UNC93B1: variants seen among roughly 807,000 people sequenced by gnomAD.
UNC93B1 encodes the protein protein unc-93 homolog B1.
UNC93B1 carries 33 observed loss-of-function variants against 56.8 expected under a neutral mutation model. The ratio of observed to expected loss-of-function variants is 0.58; its 90% CI spans 0.44 to 0.78. The LOEUF is 0.78. Among genes scored for constraint, UNC93B1 ranks in the 30% least tolerant of loss-of-function variants. The pLI, the probability that UNC93B1 is intolerant of heterozygous loss-of-function variation, is 0.00. For synonymous variants in UNC93B1, 334 were observed against 358.6 expected, an observed-to-expected ratio of 0.93 and a Z score of 0.77; for missense variants, 673 against 819.5, an observed-to-expected ratio of 0.82 and a Z score of 2.18.
chr11:67,997,512 G>A, intron 7 of UNC93B1, 163 bp downstream of exon 7: 1 of 1,257,130 alleles, frequency 8.0e-7, no homozygotes, highest in Middle Eastern at 2.8e-4. Flanking sequence ...GCAGCACTCG[G>A]CCCTAGCTCC....
Position 67,995,576 on chromosome 11 carries a change from G to GCC in UNC93B1, c.1363+33_1363+34dup, listed in dbSNP as rs747181946. ...AGATAGCCATAAAGCCCCCTGCCCCGCCCCCCCCCCCCCAGTGCCCACAGC... is the reference window on the plus strand; with the variant it reads ...AGATAGCCATAAAGCCCCCTGCCCCGCCCCCCCCCCCCCCCAGTGCCCACAGC... On this transcript the variant is annotated intron_variant, in intron 9 of 10. Transcript: ENST00000227471. 89 of 104,842 alleles carry GCC rather than the reference G, an allele frequency of 8.5e-4. 4 individuals are homozygous for GCC. In the East Asian group the frequency reaches 9.7e-3, roughly 11 times the overall value. The allele number at this position is 104,842 out of a possible 1,614,324, so 6.5% of individuals were successfully genotyped here. A position where few individuals can be genotyped will look rare whatever the true frequency, so the allele number is the denominator to read the frequency against.
chr11:67,997,821 G>A, intron 6 of UNC93B1, 22 bp from the exon 7 acceptor site: 2 of 1,599,704 alleles, frequency 1.3e-6, no homozygotes, highest in Non-Finnish European at 1.7e-6. Context: ...GGGGGTGAGG[G>A]CACCGTGAGC....
In UNC93B1 at chr11:68,003,588, C is replaced by A; in HGVS notation, c.238+69G>T. Reference sequence around the variant, plus strand: ...TGAGAGCGGGCGGGAGGCGGCGGCCCGCGGTTTCTGTTTCCCGGGCCGGGC... The same window carrying A: ...TGAGAGCGGGCGGGAGGCGGCGGCCAGCGGTTTCTGTTTCCCGGGCCGGGC... On this transcript the variant is annotated intron_variant, in intron 2 of 10. Transcript: ENST00000227471. This position sits in a 1 kb window ranked among gnomAD's most constrained non-coding sequence, Gnocchi z 4.4. The A allele has an allele frequency of 4.1e-6, 6 of 1,474,998 alleles. No homozygotes were observed. The highest frequency in any genetic ancestry group is 5.4e-6 in the Non-Finnish European group (6 of 1,116,188). 91.4% of individuals were successfully genotyped at this position (1,474,998 alleles called of 1,614,324 possible). A position where few individuals can be genotyped will look rare whatever the true frequency, so the allele number is the denominator to read the frequency against.
chr11:67,991,770 G>C lies in UNC93B1; in HGVS notation c.1570C>G (p.Pro524Ala). The C allele has an allele frequency of 6.5e-7, 1 of 1,540,506 alleles. No individual in the cohort carries two copies. The highest frequency in any genetic ancestry group is 8.7e-7 in the Non-Finnish European group (1 of 1,150,842). ...GGCCGCGGGATGCGGGGCTGGCGCG[G>C]GGCCACGCCCCGGCGCAGCTTCTGC... The part of the protein sequence containing the change: ...MEQKLRRGVA[P>A]RQPRIPRPQH... Residue 524 changes from proline (P) to alanine (A), a missense_variant, in exon 11 of 11, where the codon CCG (proline) becomes GCG (alanine). Pro to Ala is a conservative substitution (Grantham distance 27, BLOSUM62 -1). Transcript: ENST00000227471.
intron 7 of UNC93B1, 115 bp downstream of exon 7, chr11:67,997,560 C>T: frequency 6.5e-7 from 1 of 1,537,114 alleles, no homozygotes; most frequent in Middle Eastern, 2.4e-4. Flanking sequence ...CGGCCTGCCC[C>T]GAGGCCACAA....
At position 67,995,330 on chromosome 11, in the gene UNC93B1, T is replaced by C. The variant is rs183669782; in HGVS notation, c.1363+281A>G. On this transcript the variant is annotated intron_variant, in intron 9 of 10. Coordinates refer to ENST00000227471, the MANE Select transcript of UNC93B1 (RefSeq NM_030930.4). ...AGTGTTGATGGGGCCCTGTGCCCGCTCTGGGGTATTAACAGAATGTCCATG... is the reference window on the plus strand; with the variant it reads ...AGTGTTGATGGGGCCCTGTGCCCGCCCTGGGGTATTAACAGAATGTCCATG... Among the ~76,000 whole-genome samples the C allele has an allele frequency of 4.5e-3, 678 of 152,148 alleles. 7 individuals carry two copies. Among genetic ancestry groups the C allele is most frequent in the African/African-American group, 0.015 (625 of 41,476 alleles).
chr11:68,002,942 G>A, intron 3 of UNC93B1, 80 bp downstream of exon 3: 1 of 1,474,544 alleles, frequency 6.8e-7, no homozygotes, highest in Non-Finnish European at 9.0e-7. Flanking sequence ...CCCGGCAGAT[G>A]GACACCTCCT....
At position 68,003,890 on chromosome 11, in the gene UNC93B1, CG is replaced by C. The variant is rs1176421484; in HGVS notation, c.96+57del. On this transcript the variant is annotated intron_variant, in intron 1 of 10. Transcript: ENST00000227471. This position sits in a 1 kb window ranked among gnomAD's most constrained non-coding sequence, Gnocchi z 4.4. ...GCCCCCCGGCCCGCCCCGCCCCCGC[CG>C]GGGGGACCCTGGCCCACAGGGGACG... 7.8e-6 allele frequency: 10 copies of C among 1,289,318 alleles called. No individual in the cohort carries two copies. The highest frequency in any genetic ancestry group is 2.4e-5 in the South Asian group (1 of 41,642). 79.9% of individuals were successfully genotyped at this position (1,289,318 alleles called of 1,614,324 possible).
At chr11:67,997,890 G>T in intron 6 of UNC93B1, 91 bp from the exon 7 acceptor site, 1 of 1,533,788 alleles carries the variant, frequency 6.5e-7, no homozygotes, top group South Asian at 1.2e-5. Flanking sequence ...GGCCGCGGAG[G>T]AGCGGTGGAG....
At chr11:68,000,232 G>A (rs1266601422) in intron 3 of UNC93B1, among the ~76,000 whole-genome samples, 2 of 152,218 alleles carry the variant, frequency 1.3e-5, no homozygotes, top group Non-Finnish European at 2.9e-5. Context: ...TGAGTGACAG[G>A]ATGAGGGCTC....
intron 9 of UNC93B1, among the ~76,000 whole-genome samples, chr11:67,994,038 C>T (rs142750673): frequency 0.011 from 1,615 of 152,270 alleles, 30 homozygotes; most frequent in African/African-American, 0.034. Context: ...CAGGTGTTCC[C>T]GCTCCGCACC....
chr11:68,002,916 C>T, intron 3 of UNC93B1, 106 bp downstream of exon 3: 1 of 1,417,032 alleles, frequency 7.1e-7, no homozygotes, highest in Non-Finnish European at 9.4e-7. Context: ...CCCTTGTTCC[C>T]TCGCCCCACA....
intron 3 of UNC93B1, among the ~76,000 whole-genome samples, chr11:68,001,286 T>G (rs1857041420): frequency 6.6e-6 from 1 of 152,190 alleles, no homozygotes; most frequent in Non-Finnish European, 1.5e-5. Context: ...AAGTGATAGG[T>G]TTCAAAAGCC....
At chr11:67,999,439 G>T in intron 4 of UNC93B1, 80 bp downstream of exon 4, 1 of 1,545,444 alleles carries the variant, frequency 6.5e-7, no homozygotes, top group Non-Finnish European at 8.7e-7. Flanking sequence ...GGCTTCCTGT[G>T]GTCCCCCAGC....
intron 10 of UNC93B1, 59 bp from the exon 11 acceptor site, chr11:67,991,916 G>A (rs1415122080): frequency 1.7e-5 from 25 of 1,502,790 alleles, no homozygotes; most frequent in Non-Finnish European, 2.2e-5. Context: ...CACCTTCCCC[G>A]CCTATGCCCC....
In UNC93B1 at chr11:67,995,765, C is replaced by T. The variant is rs374786588; in HGVS notation, c.1209G>A (p.Val403=). Residue 403 remains valine (V), a synonymous_variant, in exon 9 of 11, where the codon GTG becomes GTA. Coordinates refer to ENST00000227471, the MANE Select transcript of UNC93B1 (RefSeq NM_030930.4). ...GLLGLWLPRP[V]PLVAGAGVHL... is the part of the protein sequence containing the mutation. ...GCACCCCTGCTCCGGCCACCAGGGG[C>T]ACCGGGCGTGGCAGCCACAGGCCCA... 8.0e-5 allele frequency: 124 copies of T among 1,548,220 alleles called. 1 individual carries two copies. In the South Asian group the frequency reaches 1.4e-3, roughly 17 times the overall value.
intron 8 of UNC93B1, 37 bp downstream of exon 8, chr11:67,996,563 TTG>T (rs1257665548): frequency 6.7e-7 from 1 of 1,489,654 alleles, no homozygotes; most frequent in African/African-American, 1.4e-5. Context: ...CCTGGCTATC[TTG>T]TCTTTTGTCG....
chr11:67,996,000 G>A (rs1856940434), intron 8 of UNC93B1, 116 bp from the exon 9 acceptor site: 4 of 857,224 alleles, frequency 4.7e-6, no homozygotes, highest in African/African-American at 1.7e-5. Flanking sequence ...TAAGAGCCAG[G>A]GGGGAAGAGG....
Position 68,003,939 on chromosome 11 carries a change from C to A in UNC93B1, c.96+9G>T, listed in dbSNP as rs1488653650. 7.3e-7 allele frequency: 1 copy of A among 1,377,324 alleles called. No individual in the cohort carries two copies. The allele number at this position is 1,377,324 out of a possible 1,614,324, so 85.3% of individuals were successfully genotyped here. A position where few individuals can be genotyped will look rare whatever the true frequency, so the allele number is the denominator to read the frequency against. Reference sequence around the variant, plus strand: ...ACGCCCGCGCCTCGCACTCCGGGTCCCCGCTCACCGGGGCCTCGGGCCCGT... The same window carrying A: ...ACGCCCGCGCCTCGCACTCCGGGTCACCGCTCACCGGGGCCTCGGGCCCGT... On this transcript the variant is annotated intron_variant, in intron 1 of 10. Coordinates refer to ENST00000227471, the MANE Select transcript of UNC93B1 (RefSeq NM_030930.4). This position sits in a 1 kb window ranked among gnomAD's most constrained non-coding sequence, Gnocchi z 4.4.
Sources: gnomAD v4.1 joint callset for allele counts (sites outside exome capture counted in the v4.1 genomes callset) on GRCh38, gnomAD v4.1.1 for gene constraint, Gnocchi (gnomAD v3.1) non-coding constraint, MANE v1.5 for transcripts, NCBI Gene and HGNC (gene_info 2026-07-23, HGNC 2026-07-21) for gene names.